MARCHF1: variants seen among roughly 807,000 people sequenced by gnomAD.
MARCHF1 encodes E3 ubiquitin-protein ligase MARCHF1.
MARCHF1 carries 40 observed loss-of-function variants against 54.2 expected under a neutral mutation model. The observed-to-expected ratio is 0.74, with a 90% confidence interval of 0.57 to 0.96. MARCHF1 has a LOEUF of 0.96. MARCHF1 is among the 40% of genes least tolerant of loss of function. The pLI, the probability that MARCHF1 is intolerant of heterozygous loss-of-function variation, is 0.00. For missense variants in MARCHF1, 586 were observed against 656.5 expected (o/e 0.89, Z 1.17); for synonymous variants, 236 against 236.3 (o/e 1.00, Z 0.01).
chr4:163,971,115 CAA>C (rs775811999), intron 3 of MARCHF1, among the ~76,000 whole-genome samples: 2 of 151,638 alleles, frequency 1.3e-5, no homozygotes, highest in Non-Finnish European at 2.9e-5. Context: ...AGAAGAGAAA[CAA>C]AACACTTCTC....
rs192660416 is a variant in MARCHF1, at chr4:163,577,633, A to G, written c.1191+8116T>C. ...GTATCTGGATGTCTACCCCTCTAGCAAGATTAGGGGAATTTTCTTGAATTA... is the reference window on the plus strand; with the variant it reads ...GTATCTGGATGTCTACCCCTCTAGCGAGATTAGGGGAATTTTCTTGAATTA... On this transcript the variant is annotated intron_variant, in intron 8 of 9. Coordinates refer to ENST00000514618, the MANE Select transcript of MARCHF1 (RefSeq NM_001394959.1). Among the ~76,000 whole-genome samples, 395 of 152,122 alleles carry G rather than the reference A, an allele frequency of 2.6e-3. 1 individual carries two copies. The highest frequency in any genetic ancestry group is 9.3e-3 in the African/African-American group (385 of 41,542).
At chr4:163,585,632 A>G (rs192085717) in intron 8 of MARCHF1, 117 bp downstream of exon 8, 14 of 770,050 alleles carry the variant, frequency 1.8e-5, no homozygotes, top group Middle Eastern at 2.9e-4. Flanking sequence ...CACAAGACAC[A>G]TACCCTTAAT....
intron 4 of MARCHF1, among the ~76,000 whole-genome samples, chr4:163,806,121 G>A (rs892815372): frequency 1.3e-5 from 2 of 152,096 alleles, no homozygotes; most frequent in African/African-American, 4.8e-5. Flanking sequence ...TCAAGGTGTA[G>A]GTTTAATTTA....
chr4:164,191,335 C>T (rs1731118320), intron 1 of MARCHF1, among the ~76,000 whole-genome samples: 1 of 152,170 alleles, frequency 6.6e-6, no homozygotes, highest in South Asian at 2.1e-4. Flanking sequence ...CTATAAAATA[C>T]AGTATCTGTT....
chr4:164,125,312 G>A (rs1276527719), intron 1 of MARCHF1, among the ~76,000 whole-genome samples: 1 of 151,892 alleles, frequency 6.6e-6, no homozygotes, highest in Non-Finnish European at 1.5e-5. Flanking sequence ...TTATGAATAG[G>A]ACTCAATGAA....
chr4:164,057,761 G>A (rs1041646688), intron 2 of MARCHF1, among the ~76,000 whole-genome samples: 1 of 152,158 alleles, frequency 6.6e-6, no homozygotes, highest in African/African-American at 2.4e-5. Flanking sequence ...TTTCATGTAA[G>A]AGGAAAATAT....
intron 9 of MARCHF1, chr4:163,530,681 C>T (rs1218076483): frequency 6.6e-6 from 1 of 151,802 alleles, no homozygotes; most frequent in Non-Finnish European, 1.5e-5. Flanking sequence ...ATTTCTATGC[C>T]TCTTTCAGCA....
chr4:164,379,998 AC>A (rs1731322110), intron 1 of MARCHF1, among the ~76,000 whole-genome samples: 1 of 152,022 alleles, frequency 6.6e-6, no homozygotes, highest in Admixed American at 6.6e-5. Context: ...AAACTGCCAA[AC>A]AAAAATGCTA....
chr4:164,259,555 A>G (rs1579668748), intron 1 of MARCHF1, among the ~76,000 whole-genome samples: 1 of 139,538 alleles, frequency 7.2e-6, no homozygotes, highest in African/African-American at 2.9e-5. Context: ...AAAAAAAAAA[A>G]AAAAAAAAAA....
intron 1 of MARCHF1, among the ~76,000 whole-genome samples, chr4:164,369,807 C>T (rs895882405): frequency 3.9e-5 from 6 of 152,058 alleles, no homozygotes; most frequent in East Asian, 1.9e-4. Flanking sequence ...ACACACAACA[C>T]GAACATCTAT....
Position 164,016,752 on chromosome 4 carries a change from T to C in MARCHF1, c.-247-28043A>G, listed in dbSNP as rs138987178. ...TAAGATCTAATGCTCAGTAGCACAA[T>C]AGGGAAACTATAGCTAACAATAATT... On this transcript the variant is annotated intron_variant, in intron 2 of 9. Transcript: ENST00000514618. 5.7e-4 allele frequency among the ~76,000 whole-genome samples: 86 copies of C among 152,102 alleles called. 1 individual carries two copies. The highest frequency in any genetic ancestry group is 2.1e-3 in the African/African-American group (86 of 41,492).
intron 1 of MARCHF1, among the ~76,000 whole-genome samples, chr4:164,252,832 G>A (rs2111248705): frequency 6.6e-6 from 1 of 152,198 alleles, no homozygotes; most frequent in East Asian, 1.9e-4. Context: ...AAGTGGCAGT[G>A]GACAGTGATG....
chr4:163,912,676 C>T (rs909984418), intron 3 of MARCHF1, among the ~76,000 whole-genome samples: 1 of 152,102 alleles, frequency 6.6e-6, no homozygotes, highest in East Asian at 1.9e-4. Context: ...ATTTCTTCTT[C>T]TTGTTTGTGA....
intron 1 of MARCHF1, among the ~76,000 whole-genome samples, chr4:164,375,410 A>G (rs983852785): frequency 1.3e-5 from 2 of 152,192 alleles, no homozygotes; most frequent in East Asian, 1.9e-4. Context: ...TCCTTAAGGT[A>G]TCATCACCAT....
chr4:163,874,137 G>A (rs532196067), intron 3 of MARCHF1, among the ~76,000 whole-genome samples: 146 of 152,312 alleles, frequency 9.6e-4, no homozygotes, highest in Admixed American at 1.9e-3. Context: ...AGGCACTAAA[G>A]CAATAGTTAC....
intron 3 of MARCHF1, among the ~76,000 whole-genome samples, chr4:163,915,726 A>G (rs1751293268): frequency 6.6e-6 from 1 of 152,134 alleles, no homozygotes; most frequent in African/African-American, 2.4e-5. Flanking sequence ...CTAACAATAG[A>G]GTCTAATTAT....
At position 163,528,554 on chromosome 4, in the gene MARCHF1, T is replaced by C. The variant is rs926613739; in HGVS notation, c.*194A>G. ...TTCCATATCATACTTTACTTTACGCTATTACTTCATGGGCTCCTGGGCATT... is the reference window on the plus strand; with the variant it reads ...TTCCATATCATACTTTACTTTACGCCATTACTTCATGGGCTCCTGGGCATT... On this transcript the variant is annotated 3_prime_UTR_variant, in exon 10 of 10. Transcript: ENST00000514618. 39 of 575,106 alleles carry C rather than the reference T, an allele frequency of 6.8e-5. No homozygotes were observed. The East Asian group carries it at 1.0e-3, about 15-fold the overall frequency. The allele number at this position is 575,106 out of a possible 1,614,324, so 35.6% of individuals were successfully genotyped here.
intron 4 of MARCHF1, among the ~76,000 whole-genome samples, chr4:163,849,794 T>G (rs1266297894): frequency 6.6e-6 from 1 of 152,176 alleles, no homozygotes; most frequent in Non-Finnish European, 1.5e-5. Context: ...AGTGTCAAAT[T>G]ATCTGTATCA....
intron 3 of MARCHF1, among the ~76,000 whole-genome samples, chr4:163,856,128 C>T (rs554483636): frequency 1.2e-4 from 18 of 152,194 alleles, no homozygotes; most frequent in African/African-American, 4.1e-4. Flanking sequence ...ATCATCTTTT[C>T]GAACTGTTTT....
Sources: allele counts gnomAD v4.1 joint callset (sites outside exome capture counted in the v4.1 genomes callset), GRCh38; gene constraint gnomAD v4.1.1; transcripts MANE v1.5; gene names NCBI Gene and HGNC (gene_info 2026-07-23, HGNC 2026-07-21).